The following NMNAT2 variants were observed in gnomAD, a reference collection of about 807,000 sequenced individuals.
NMNAT2 encodes the protein nicotinamide/nicotinic acid mononucleotide adenylyltransferase 2.
NMNAT2 carries 11 observed loss-of-function variants against 41.6 expected under a neutral mutation model. That is an observed-to-expected ratio of 0.26 (90% CI 0.17 to 0.44). The LOEUF (loss-of-function observed/expected upper bound fraction) is 0.44. Ranked by LOEUF, NMNAT2 falls within the 20% of genes least tolerant of loss-of-function variation. The pLI is 1.00. For missense variants in NMNAT2, 288 were observed against 407.7 expected (o/e 0.71, Z 2.53); for synonymous variants, 148 against 151.2 (o/e 0.98, Z 0.16).
At chr1:183,397,054 G>A (rs1013643099) in intron 1 of NMNAT2, among the ~76,000 whole-genome samples, 13 of 152,188 alleles carry the variant, frequency 8.5e-5, no homozygotes, top group East Asian at 3.9e-4. Context: ...TCTGCCCACC[G>A]AACACTTGCT....
At chr1:183,290,342 A>C in intron 3 of NMNAT2, 136 bp from the exon 4 acceptor site, 1 of 626,932 alleles carries the variant, frequency 1.6e-6, no homozygotes, top group Non-Finnish European at 2.8e-6. Flanking sequence ...ATCAGATAAA[A>C]CCTGGGTGTG....
At chr1:183,260,127 T>G (rs1184195350) in intron 10 of NMNAT2, among the ~76,000 whole-genome samples, 1 of 152,140 alleles carries the variant, frequency 6.6e-6, no homozygotes, top group Non-Finnish European at 1.5e-5. Context: ...CAAAGTCTAT[T>G]TCCCAGCCGT....
intron 1 of NMNAT2, among the ~76,000 whole-genome samples, chr1:183,336,782 A>G (rs1662685315): frequency 6.6e-6 from 1 of 152,226 alleles, no homozygotes; most frequent in African/African-American, 2.4e-5. Context: ...TTGTGTTTAC[A>G]ATAGCTACAA....
At chr1:183,328,990 G>C (rs564437017) in intron 1 of NMNAT2, among the ~76,000 whole-genome samples, 12 of 152,268 alleles carry the variant, frequency 7.9e-5, no homozygotes, top group African/African-American at 2.9e-4. Flanking sequence ...AGGTAGCAGA[G>C]GTAGAGGAGC....
At chr1:183,365,648 G>A (rs1663397734) in intron 1 of NMNAT2, among the ~76,000 whole-genome samples, 1 of 152,152 alleles carries the variant, frequency 6.6e-6, no homozygotes, top group African/African-American at 2.4e-5. Flanking sequence ...TGAGGCAGGA[G>A]AATCACTTGA....
chr1:183,253,261 TTATAC>T (rs1660438044), intron 10 of NMNAT2, among the ~76,000 whole-genome samples: 2 of 148,014 alleles, frequency 1.4e-5, no homozygotes, highest in Admixed American at 6.8e-5. Context: ...AATTTATATA[TTATAC>T]TATATTATAT....
At chr1:183,379,474 C>A (rs1285565134) in intron 1 of NMNAT2, among the ~76,000 whole-genome samples, 1 of 152,108 alleles carries the variant, frequency 6.6e-6, no homozygotes, top group Non-Finnish European at 1.5e-5. Flanking sequence ...AGCCATCATG[C>A]CCAGCCATGA....
At position 183,248,601 on chromosome 1, in the gene NMNAT2, C is replaced by T. The variant is rs199940021; in HGVS notation, c.*4040G>A. On this transcript the variant is annotated 3_prime_UTR_variant, in exon 11 of 11. Transcript: ENST00000287713. ...ACTCCAAACTCACACTACAAAGAGA[C>T]CACATGAACAGTCGAGTGTGCTGGG... 6 of 152,200 alleles carry T rather than the reference C, an allele frequency of 3.9e-5. No individual in the cohort carries two copies. Among genetic ancestry groups the T allele is most frequent in the Non-Finnish European group, 8.8e-5 (6 of 68,070 alleles). 9.4% of individuals were successfully genotyped at this position (152,200 alleles called of 1,614,324 possible).
intron 3 of NMNAT2, among the ~76,000 whole-genome samples, chr1:183,290,437 T>C (rs1166088518): frequency 6.6e-6 from 1 of 152,212 alleles, no homozygotes; most frequent in African/African-American, 2.4e-5. Flanking sequence ...CTGGTGCCAG[T>C]CTGCCTGGGT....
At chr1:183,255,387 C>T (rs1660489651) in intron 10 of NMNAT2, among the ~76,000 whole-genome samples, 1 of 151,884 alleles carries the variant, frequency 6.6e-6, no homozygotes, top group South Asian at 2.1e-4. Context: ...ATTGCTTTGG[C>T]TATTCAGGGT....
At chr1:183,366,454 G>A (rs1267598519) in intron 1 of NMNAT2, among the ~76,000 whole-genome samples, 1 of 152,180 alleles carries the variant, frequency 6.6e-6, no homozygotes, top group Non-Finnish European at 1.5e-5. Context: ...TATGTAGTAA[G>A]CTAAGCACTC....
chr1:183,366,900 T>C (rs1351341861), intron 1 of NMNAT2, among the ~76,000 whole-genome samples: 1 of 152,158 alleles, frequency 6.6e-6, no homozygotes, highest in African/African-American at 2.4e-5. Context: ...TCTGTCAACA[T>C]CTTCTCAGAC....
At chr1:183,399,206 G>GAAGAAT (rs55637418) in intron 1 of NMNAT2, among the ~76,000 whole-genome samples, 1 of 151,832 alleles carries the variant, frequency 6.6e-6, no homozygotes, top group Admixed American at 6.6e-5. Flanking sequence ...TCAAACAGAC[G>GAAGAAT]CAATAAAAAA....
At chr1:183,341,748 C>CAAAAAAAAAAAAAAAAAAAA (rs369432128) in intron 1 of NMNAT2, among the ~76,000 whole-genome samples, 3 of 79,792 alleles carry the variant, frequency 3.8e-5, no homozygotes, top group Non-Finnish European at 7.3e-5. Context: ...AAAAAAAAAA[C>CAAAAAAAAAAAAAAAAAAAA]CTGTTTCCTT....
chr1:183,395,776 T>C (rs1382040946), intron 1 of NMNAT2, among the ~76,000 whole-genome samples: 1 of 152,168 alleles, frequency 6.6e-6, no homozygotes, highest in African/African-American at 2.4e-5. Context: ...GGGGAGGTTA[T>C]TGAATAATAA....
intron 1 of NMNAT2, among the ~76,000 whole-genome samples, chr1:183,296,456 C>T (rs1388085035): frequency 6.6e-6 from 1 of 151,834 alleles, no homozygotes; most frequent in African/African-American, 2.4e-5. Context: ...GCTCCAAATT[C>T]TTACCAGCAT....
At chr1:183,317,996 G>A (rs1002983796) in intron 1 of NMNAT2, among the ~76,000 whole-genome samples, 1 of 152,200 alleles carries the variant, frequency 6.6e-6, no homozygotes, top group Non-Finnish European at 1.5e-5. Flanking sequence ...AGTGTTAAAG[G>A]AGCTGTAATA....
At chr1:183,353,012 C>G (rs1663098499) in intron 1 of NMNAT2, among the ~76,000 whole-genome samples, 1 of 152,030 alleles carries the variant, frequency 6.6e-6, no homozygotes, top group Admixed American at 6.6e-5. Flanking sequence ...TGAATACATT[C>G]TCTTTTTTTT....
At chr1:183,371,237 T>C (rs1360470387) in intron 1 of NMNAT2, among the ~76,000 whole-genome samples, 1 of 152,146 alleles carries the variant, frequency 6.6e-6, no homozygotes, top group Non-Finnish European at 1.5e-5. Flanking sequence ...ATATACAGCA[T>C]GATTCCAATG....
Sources: gnomAD v4.1 joint callset for allele counts (sites outside exome capture counted in the v4.1 genomes callset) on GRCh38, gnomAD v4.1.1 for gene constraint, MANE v1.5 for transcripts, NCBI Gene and HGNC (gene_info 2026-07-23, HGNC 2026-07-21) for gene names.